Variants in HTRA4 observed in about 807,000 individuals in gnomAD.
HTRA4 encodes serine protease HTRA4.
A neutral mutation model predicts 49.1 loss-of-function variants in HTRA4; 46 were observed. The observed-to-expected ratio is 0.94, with a 90% confidence interval of 0.74 to 1.20. HTRA4 has a LOEUF of 1.20. Ranked by LOEUF, HTRA4 falls within the 50% of genes most tolerant of loss-of-function variation. The pLI, the probability that HTRA4 is intolerant of heterozygous loss-of-function variation, is 0.00. For synonymous variants in HTRA4, 261 were observed against 264.0 expected (o/e 0.99, Z 0.11); for missense variants, 602 against 636.9 (o/e 0.95, Z 0.59).
chr8:38,981,653 G>T lies in HTRA4; in HGVS notation c.1000G>T (p.Asp334Tyr), dbSNP rs1325091126. The change falls in exon 6 of 9, where the codon GAT becomes TAT. Residue 334 changes from aspartate (D) to tyrosine (Y), a missense_variant and splice_region_variant. Physicochemically the swap from Asp to Tyr is radical, Grantham distance 160 (BLOSUM62 -3). Transcript: ENST00000302495. ...GNSGGPLVNL[D>Y]GDVIGVNSLR... ...TGAATGATGTCCCCTCCCTTGCCAG[G>T]ATGGTGATGTGATTGGCGTCAATTC... The T allele has an allele frequency of 1.2e-6, 2 of 1,611,494 alleles. No individual in the cohort carries two copies. Among genetic ancestry groups the T allele is most frequent in the Admixed American group, 3.3e-5 (2 of 59,930 alleles).
intron 2 of HTRA4, among the ~76,000 whole-genome samples, chr8:38,975,685 G>A (rs926286110): frequency 1.3e-5 from 2 of 152,144 alleles, no homozygotes; most frequent in Non-Finnish European, 2.9e-5. Context: ...CTGGGATTAC[G>A]GGTGTAGCCA....
rs1410818398 is a variant in HTRA4 at position 38,974,313 on chromosome 8, C to CG, written c.54dup (p.Leu19AlafsTer14). ...GCGGGGCTGGGACGATGCCTCCTGC[C>CG]GGGGCTGCTGCTGCTCCTGGTGCCC... is the stretch of plus-strand genomic sequence containing the variant. On this transcript the variant is annotated frameshift_variant, in exon 1 of 9. Transcript: ENST00000302495. LOFTEE classifies it high-confidence loss of function. 2 of 1,612,748 alleles carry CG rather than the reference C, an allele frequency of 1.2e-6. No homozygotes were observed. The highest frequency in any genetic ancestry group is 1.7e-6 in the Non-Finnish European group (2 of 1,179,730).
rs1172933153 is a variant in HTRA4, at chr8:38,985,973, GA to G, written c.1269-1962del. ...GGATCATTTGAAACCAGGAGTTTGA[GA>G]CCAGCCTGAGCAACATAGTTTCTAA... On this transcript the variant is annotated intron_variant, in intron 8 of 8. Transcript: ENST00000302495. 2.6e-5 allele frequency among the ~76,000 whole-genome samples: 4 copies of G among 152,284 alleles called. No homozygotes were observed. The East Asian group carries it at 7.7e-4, about 29-fold the overall frequency.
chr8:38,979,582 A>G (rs546832543), intron 5 of HTRA4, among the ~76,000 whole-genome samples: 7 of 152,358 alleles, frequency 4.6e-5, no homozygotes, highest in African/African-American at 1.7e-4. Context: ...CATCCCACTG[A>G]GAACACTAGG....
chr8:38,982,861 T>C (rs1835440999), intron 7 of HTRA4, 92 bp from the exon 8 acceptor site: 3 of 813,670 alleles, frequency 3.7e-6, no homozygotes, highest in Non-Finnish European at 6.0e-6. Flanking sequence ...TTGTGAACCT[T>C]GAGCAGAACA....
chr8:38,981,067 T>G (rs994224375), intron 5 of HTRA4, among the ~76,000 whole-genome samples: 8 of 41,670 alleles, frequency 1.9e-4, no homozygotes, highest in Non-Finnish European at 2.4e-4. Context: ...GCTTAAGTTT[T>G]TTTTTTTTTT....
chr8:38,988,117 G>T lies in HTRA4; in HGVS notation c.*19G>T. Reference sequence around the variant, plus strand: ...CAATTAAATATCTTGTTTTAAAGTGGGATTATCTAAAAAAAAAAAAACCAG... The same window carrying T: ...CAATTAAATATCTTGTTTTAAAGTGTGATTATCTAAAAAAAAAAAAACCAG... On this transcript the variant is annotated 3_prime_UTR_variant, in exon 9 of 9. Transcript: ENST00000302495. 2.0e-6 allele frequency: 3 copies of T among 1,488,694 alleles called. No individual in the cohort carries two copies. The allele number at this position is 1,488,694 out of a possible 1,614,324, so 92.2% of individuals were successfully genotyped here.
intron 8 of HTRA4, among the ~76,000 whole-genome samples, chr8:38,985,008 CT>C (rs1588295169): frequency 6.6e-6 from 1 of 152,172 alleles, no homozygotes; most frequent in South Asian, 2.1e-4. Context: ...GAGGCCAGCG[CT>C]AAGACCTGTG....
chr8:38,987,618 G>A (rs778980009), intron 8 of HTRA4, among the ~76,000 whole-genome samples: 2 of 152,134 alleles, frequency 1.3e-5, no homozygotes, highest in Non-Finnish European at 2.9e-5. Flanking sequence ...GTTCACAGAG[G>A]TCAGGGGTTG....
chr8:38,983,308 G>A lies in HTRA4; in HGVS notation c.1268+260G>A, dbSNP rs540258725. ...TCCCAGCACTTTGGAAGGCCAGGGTGGGTGGATCACCTGAGGTCAGGAGTT... is the reference window on the plus strand; with the variant it reads ...TCCCAGCACTTTGGAAGGCCAGGGTAGGTGGATCACCTGAGGTCAGGAGTT... On this transcript the variant is annotated intron_variant, in intron 8 of 8. Transcript: ENST00000302495. 5.2e-3 allele frequency among the ~76,000 whole-genome samples: 789 copies of A among 152,328 alleles called. 6 individuals carry two copies. The highest frequency in any genetic ancestry group is 0.013 in the South Asian group (64 of 4,826).
At chr8:38,983,125 C>A in intron 8 of HTRA4, 77 bp downstream of exon 8, 2 of 896,594 alleles carry the variant, frequency 2.2e-6, no homozygotes. Flanking sequence ...ATGGGGGATC[C>A]AGACTTGATC....
At chr8:38,980,592 A>G (rs930444882) in intron 5 of HTRA4, among the ~76,000 whole-genome samples, 1 of 150,790 alleles carries the variant, frequency 6.6e-6, no homozygotes, top group Admixed American at 6.6e-5. Flanking sequence ...AAAAAAATTA[A>G]CTGGGCATGG....
intron 5 of HTRA4, among the ~76,000 whole-genome samples, chr8:38,980,220 G>T (rs544516457): frequency 6.6e-5 from 10 of 151,284 alleles, no homozygotes; most frequent in Middle Eastern, 3.4e-3. Flanking sequence ...ATTGCTTTTG[G>T]TTCCTGTTTA....
At chr8:38,981,810 G>A (rs764392328) in intron 6 of HTRA4, 43 bp downstream of exon 6, 2 of 1,352,128 alleles carry the variant, frequency 1.5e-6, no homozygotes, top group Non-Finnish European at 2.1e-6. Context: ...TTCGTCTTGT[G>A]CTTTTCAGGA....
chr8:38,976,607 T>C lies in HTRA4; in HGVS notation c.639T>C (p.Ile213=). ...TCATAGTGTCTGAGGACGGGCTCAT[T>C]ATTACCAATGCCCATGTTGTCAGGA... ...SGFIVSEDGL[I]ITNAHVVRNQ... The change falls in exon 3 of 9, where the codon ATT becomes ATC. Residue 213 remains isoleucine (I), a synonymous_variant. Coordinates refer to ENST00000302495, the MANE Select transcript of HTRA4 (RefSeq NM_153692.4). 1 of 1,614,118 alleles carries C rather than the reference T, an allele frequency of 6.2e-7. No individual in the cohort carries two copies. The highest frequency in any genetic ancestry group is 8.5e-7 in the Non-Finnish European group (1 of 1,180,020).
rs577340003 is a variant in HTRA4, at chr8:38,985,244, T to G, written c.1268+2196T>G. Reference sequence around the variant, plus strand: ...GATGCGATCTCGGCTCACTGCAACCTCTGCCTCCTGGGTTCAAGTGATTCT... The same window carrying G: ...GATGCGATCTCGGCTCACTGCAACCGCTGCCTCCTGGGTTCAAGTGATTCT... On this transcript the variant is annotated intron_variant, in intron 8 of 8. Coordinates refer to ENST00000302495, the MANE Select transcript of HTRA4 (RefSeq NM_153692.4). Among the ~76,000 whole-genome samples the G allele has an allele frequency of 2.4e-4, 34 of 142,046 alleles. No individual in the cohort carries two copies. The Admixed American group carries it at 2.6e-3, about 11-fold the overall frequency. The allele number at this position is 142,046 out of a possible 152,430, so 93.2% of individuals were successfully genotyped here.
At position 38,974,718 on chromosome 8, in the gene HTRA4, G is replaced by A; in HGVS notation, c.455G>A (p.Cys152Tyr). 1 of 1,427,858 alleles carries A rather than the reference G, an allele frequency of 7.0e-7. No homozygotes were observed. The highest frequency in any genetic ancestry group is 9.1e-7 in the Non-Finnish European group (1 of 1,100,314). 88.4% of individuals were successfully genotyped at this position (1,427,858 alleles called of 1,614,324 possible). Residue 152 changes from cysteine to tyrosine, a missense_variant, in exon 1 of 9, where the codon TGC becomes TAC. Coordinates refer to ENST00000302495, the MANE Select transcript of HTRA4 (RefSeq NM_153692.4). ...VPAVPVQWGN[C>Y]GDTGTRSAGP... ...GCCGTGCCTGTGCAGTGGGGGAACT[G>A]CGGGGATACAGGTGAGCCGCGGGGG...
chr8:38,978,580 T>C (rs1245388656), intron 4 of HTRA4, among the ~76,000 whole-genome samples: 1 of 152,106 alleles, frequency 6.6e-6, no homozygotes, highest in Non-Finnish European at 1.5e-5. Flanking sequence ...ATGTCCAGGT[T>C]TGGTTGAATC....
At chr8:38,986,060 C>T (rs1426239912) in intron 8 of HTRA4, among the ~76,000 whole-genome samples, 1 of 152,024 alleles carries the variant, frequency 6.6e-6, no homozygotes, top group Non-Finnish European at 1.5e-5. Flanking sequence ...TGTAGGGAGG[C>T]TGAGGCAGGA....
Sources: gnomAD v4.1 joint callset for allele counts (sites outside exome capture counted in the v4.1 genomes callset) on GRCh38, gnomAD v4.1.1 for gene constraint, MANE v1.5 for transcripts, NCBI Gene and HGNC (gene_info 2026-07-23, HGNC 2026-07-21) for gene names.